CSMD3: variants seen among roughly 807,000 people sequenced by gnomAD.
CSMD3 encodes the protein CUB and Sushi multiple domains 3, also known as CUB and sushi domain-containing protein 3.
In CSMD3, 177 loss-of-function variants were observed where a neutral mutation model predicts 435.2. The observed-to-expected ratio is 0.41, with a 90% CI of 0.36 to 0.46. The LOEUF (loss-of-function observed/expected upper bound fraction) is 0.46. Among genes scored for constraint, CSMD3 ranks in the 20% least tolerant of loss-of-function variants. CSMD3 has a pLI of 0.34. For synonymous variants in CSMD3, 1,656 were observed against 1,520.5 expected, an observed-to-expected ratio of 1.09 and a Z score of -2.07; for missense variants, 4,265 against 4,504.6, an observed-to-expected ratio of 0.95 and a Z score of 1.52.
intron 2 of CSMD3, among the ~76,000 whole-genome samples, chr8:113,281,812 T>C (rs2093614990): frequency 1.3e-5 from 2 of 151,938 alleles, no homozygotes; most frequent in Non-Finnish European, 2.9e-5. Context: ...TTGATGTGTT[T>C]CCAGGATTTG....
Position 112,829,788 on chromosome 8 carries a change from A to T in CSMD3, c.1757T>A (p.Val586Asp), listed in dbSNP as rs1406278871. 16 of 1,571,730 alleles carry T rather than the reference A, an allele frequency of 1.0e-5. No homozygotes were observed. Among genetic ancestry groups the T allele is most frequent in the African/African-American group, 1.3e-5 (1 of 74,098 alleles). The change falls in exon 12 of 71, where the codon GTT becomes GAT. Residue 586 changes from valine (V) to aspartate (D), a missense_variant and splice_region_variant. By Grantham distance (152) the Val-to-Asp change is radical. This residue lies in a region of CSMD3 where 731 missense variants were observed against 755.4 expected (regional missense o/e 0.97). Coordinates refer to ENST00000297405, the MANE Select transcript of CSMD3 (RefSeq NM_198123.2). ...WVITAVNTNK[V>D]IQINFEEFDL... is the part of the protein sequence containing the mutation. ...AAATTCTTCAAAATTTATCTGGATA[A>T]CCTAGCAGTAAACAGAAACATGCAC...
chr8:113,288,267 G>C (rs2093660582), intron 2 of CSMD3, among the ~76,000 whole-genome samples: 1 of 151,660 alleles, frequency 6.6e-6, no homozygotes, highest in Non-Finnish European at 1.5e-5. Context: ...CAATCTTCTA[G>C]AGAAAACTTT....
chr8:113,367,876 C>T (rs890317621), intron 1 of CSMD3, among the ~76,000 whole-genome samples: 12 of 152,044 alleles, frequency 7.9e-5, no homozygotes, highest in African/African-American at 2.4e-4. Context: ...CTGTCTAGTA[C>T]AGCCCTTGTT....
At chr8:112,468,790 A>G (rs1818231832) in intron 32 of CSMD3, among the ~76,000 whole-genome samples, 1 of 152,098 alleles carries the variant, frequency 6.6e-6, no homozygotes, top group Admixed American at 6.6e-5. Context: ...AGCCAAATGT[A>G]TTAGTCTTAT....
rs2092767820 is a variant in CSMD3, at chr8:113,206,077, G to T, written c.515-32161C>A. Among the ~76,000 whole-genome samples, 4 of 152,038 alleles carry T rather than the reference G, an allele frequency of 2.6e-5. No individual in the cohort carries two copies. In the South Asian group the frequency reaches 8.3e-4, roughly 31 times the overall value. On this transcript the variant is annotated intron_variant, in intron 3 of 70. Coordinates refer to ENST00000297405, the MANE Select transcript of CSMD3 (RefSeq NM_198123.2). ...TTTTTGCACTACAAGGGTAGAGCTG[G>T]TAAGTTGTAATGGATGGAAACTATG...
In CSMD3 at chr8:113,042,744, C is replaced by T. The variant is rs933936217; in HGVS notation, c.918-23565G>A. On this transcript the variant is annotated intron_variant, in intron 5 of 70. Transcript: ENST00000297405. ...AGAAATATAGGAATATGAGGGGAGC[C>T]GGGAACTTTGGTTGCATATAAAAGA... 3.3e-5 allele frequency among the ~76,000 whole-genome samples: 5 copies of T among 152,042 alleles called. No homozygotes were observed. The South Asian group carries it at 1.0e-3, about 32-fold the overall frequency.
At chr8:112,680,765 G>A (rs1309208426) in intron 16 of CSMD3, among the ~76,000 whole-genome samples, 3 of 152,082 alleles carry the variant, frequency 2.0e-5, no homozygotes, top group East Asian at 1.9e-4. Flanking sequence ...ACTTCATCAT[G>A]AGACATTATG....
chr8:112,914,820 A>T (rs775744155), intron 10 of CSMD3, among the ~76,000 whole-genome samples: 1 of 151,840 alleles, frequency 6.6e-6, no homozygotes, highest in Non-Finnish European at 1.5e-5. Context: ...CAGTGTGATC[A>T]CTTTTATCTA....
chr8:112,972,714 A>C (rs1361137340), intron 7 of CSMD3, among the ~76,000 whole-genome samples: 1 of 151,990 alleles, frequency 6.6e-6, no homozygotes, highest in Non-Finnish European at 1.5e-5. Context: ...AATTATAAAC[A>C]CTTATTCATT....
At chr8:112,564,586 A>G (rs1828917758) in intron 24 of CSMD3, among the ~76,000 whole-genome samples, 1 of 152,076 alleles carries the variant, frequency 6.6e-6, no homozygotes, top group Non-Finnish European at 1.5e-5. Context: ...CAGTTCAGGG[A>G]AACTGCTGCC....
At chr8:112,952,517 T>C (rs1385561534) in intron 8 of CSMD3, among the ~76,000 whole-genome samples, 1 of 151,660 alleles carries the variant, frequency 6.6e-6, no homozygotes, top group Admixed American at 6.6e-5. Flanking sequence ...AGATATATAA[T>C]AATGATACAA....
intron 27 of CSMD3, among the ~76,000 whole-genome samples, chr8:112,545,494 A>AT (rs1827088153): frequency 1.1e-4 from 16 of 143,116 alleles, no homozygotes; most frequent in African/African-American, 3.2e-4. Context: ...AAAAAAAAAA[A>AT]AAAAAAAAAT....
chr8:113,135,765 G>C (rs1242849908), intron 4 of CSMD3, among the ~76,000 whole-genome samples: 1 of 151,822 alleles, frequency 6.6e-6, no homozygotes, highest in East Asian at 1.9e-4. Flanking sequence ...GGAACTCTTA[G>C]AGAATCATTT....
At chr8:112,256,808 T>A (rs1173790990) in intron 61 of CSMD3, among the ~76,000 whole-genome samples, 1 of 152,186 alleles carries the variant, frequency 6.6e-6, no homozygotes, top group Non-Finnish European at 1.5e-5. Context: ...GTTTTAAGTA[T>A]AAATGTTGCC....
At chr8:112,252,741 A>T (rs2130237086) in intron 63 of CSMD3, among the ~76,000 whole-genome samples, 1 of 149,582 alleles carries the variant, frequency 6.7e-6, no homozygotes, top group East Asian at 2.0e-4. Flanking sequence ...CATGTAAGAA[A>T]GCCAATCTCC....
chr8:112,855,007 T>C (rs1234808348), intron 11 of CSMD3, among the ~76,000 whole-genome samples: 1 of 152,170 alleles, frequency 6.6e-6, no homozygotes, highest in Admixed American at 6.6e-5. Context: ...TGTGATAAAC[T>C]TGCTAGATAC....
chr8:113,269,520 G>T (rs920772043), intron 3 of CSMD3, among the ~76,000 whole-genome samples: 1 of 152,078 alleles, frequency 6.6e-6, no homozygotes, highest in Non-Finnish European at 1.5e-5. Context: ...TAAGCCAAAA[G>T]ATCAAAGCTG....
At chr8:112,628,615 A>C (rs1834689735) in intron 22 of CSMD3, among the ~76,000 whole-genome samples, 1 of 152,190 alleles carries the variant, frequency 6.6e-6, no homozygotes, top group African/African-American at 2.4e-5. Context: ...GAAAATGTGG[A>C]AGTAAAGGAG....
At chr8:112,949,193 A>T (rs2083720528) in intron 8 of CSMD3, among the ~76,000 whole-genome samples, 1 of 152,086 alleles carries the variant, frequency 6.6e-6, no homozygotes, top group Non-Finnish European at 1.5e-5. Context: ...TAGCTATCAG[A>T]CGACTGCCCA....
Sources: gnomAD v4.1 joint callset for allele counts (sites outside exome capture counted in the v4.1 genomes callset) on GRCh38, gnomAD v4.1.1 for gene constraint, gnomAD v4.1.1 regional missense constraint, MANE v1.5 for transcripts, NCBI Gene and HGNC (gene_info 2026-07-23, HGNC 2026-07-21) for gene names.